Variants in AAK1 observed in about 807,000 individuals in gnomAD.
AAK1 encodes the protein AP2-associated protein kinase 1.
A neutral mutation model predicts 116.0 loss-of-function variants in AAK1; 37 were observed. The ratio of observed to expected loss-of-function variants is 0.32; its 90% CI spans 0.25 to 0.42. The LOEUF (loss-of-function observed/expected upper bound fraction) is 0.42, where lower values mean the gene tolerates loss of function less well. Ranked by LOEUF, AAK1 falls within the 10% of genes least tolerant of loss-of-function variation. AAK1 has a pLI of 1.00. For synonymous variants in AAK1, 458 were observed against 439.9 expected (o/e 1.04, Z -0.51); for missense variants, 919 against 1,170.6 (o/e 0.79, Z 3.14).
intron 19 of AAK1, among the ~76,000 whole-genome samples, chr2:69,480,144 T>C (rs1406656767): frequency 6.6e-6 from 1 of 152,038 alleles, no homozygotes; most frequent in Non-Finnish European, 1.5e-5. Flanking sequence ...TAAATCATAA[T>C]GTCTTTGGAG....
intron 16 of AAK1, among the ~76,000 whole-genome samples, chr2:69,500,778 G>C (rs952401554): frequency 1.7e-4 from 25 of 145,888 alleles, no homozygotes; most frequent in Non-Finnish European, 2.7e-4. Flanking sequence ...TGGAAAGGCA[G>C]AAACAAAAAC....
In AAK1 at chr2:69,466,513, C is replaced by T; in HGVS notation, c.*9356G>A. The T allele has an allele frequency of 1.6e-6, 2 of 1,226,810 alleles. No individual in the cohort carries two copies. The highest frequency in any genetic ancestry group is 2.1e-6 in the Non-Finnish European group (2 of 956,220). The allele number at this position is 1,226,810 out of a possible 1,614,324, so 76.0% of individuals were successfully genotyped here. On this transcript the variant is annotated 3_prime_UTR_variant, in exon 22 of 22. Transcript: ENST00000409085. ...CCCAGTGATTCTTTAAAGTGCTCTACAGTTATTACAGGACAGGGATTGGAC... is the reference window on the plus strand; with the variant it reads ...CCCAGTGATTCTTTAAAGTGCTCTATAGTTATTACAGGACAGGGATTGGAC...
At chr2:69,584,362 A>C (rs1417627975) in intron 2 of AAK1, among the ~76,000 whole-genome samples, 1 of 152,328 alleles carries the variant, frequency 6.6e-6, no homozygotes, top group East Asian at 1.9e-4. Context: ...CACTGTGGTT[A>C]CTTTAATTAT....
intron 16 of AAK1, chr2:69,500,170 A>G (rs556208269): frequency 1.3e-5 from 2 of 152,220 alleles, no homozygotes; most frequent in Non-Finnish European, 2.9e-5. Flanking sequence ...GTCTGAGTTC[A>G]GTTAGAAAAT....
chr2:69,532,807 T>C (rs138939645), intron 5 of AAK1, among the ~76,000 whole-genome samples: 3 of 152,330 alleles, frequency 2.0e-5, no homozygotes, highest in African/African-American at 7.2e-5. Flanking sequence ...AATGGGCAGT[T>C]TTCCTGTTAA....
intron 2 of AAK1, among the ~76,000 whole-genome samples, chr2:69,587,016 T>G (rs895143743): frequency 3.3e-5 from 5 of 152,146 alleles, no homozygotes; most frequent in African/African-American, 1.2e-4. Flanking sequence ...CCATATCTTC[T>G]GCCTTTCTGC....
At chr2:69,553,143 A>AG (rs1671245975) in intron 3 of AAK1, among the ~76,000 whole-genome samples, 1 of 152,202 alleles carries the variant, frequency 6.6e-6, no homozygotes, top group Non-Finnish European at 1.5e-5. Context: ...CTAGATTGAA[A>AG]GGGACCACAA....
intron 3 of AAK1, among the ~76,000 whole-genome samples, chr2:69,547,731 G>C (rs1670989476): frequency 1.3e-5 from 2 of 152,094 alleles, no homozygotes; most frequent in African/African-American, 2.4e-5. Flanking sequence ...ATATGACCTA[G>C]CAATTTCACC....
rs145864456 is a variant in AAK1 at position 69,606,344 on chromosome 2, C to T, written c.163+36534G>A. 2.2e-3 allele frequency among the ~76,000 whole-genome samples: 334 copies of T among 152,234 alleles called. 2 individuals carry two copies. In the Middle Eastern group the frequency reaches 0.037, roughly 17 times the overall value. On this transcript the variant is annotated intron_variant, in intron 2 of 21. Coordinates refer to ENST00000409085, the MANE Select transcript of AAK1 (RefSeq NM_014911.5). ...TTCACAAGACCTCAGCAGTTTGATC[C>T]CACAGACTTTCACAAATCCTTCTCT...
chr2:69,559,628 C>T (rs1671546679), intron 2 of AAK1, among the ~76,000 whole-genome samples: 1 of 152,172 alleles, frequency 6.6e-6, no homozygotes, highest in African/African-American at 2.4e-5. Flanking sequence ...AGTATTAAGT[C>T]CAAGTGTTTT....
intron 5 of AAK1, among the ~76,000 whole-genome samples, chr2:69,540,114 C>T (rs1459757640): frequency 6.8e-6 from 1 of 147,970 alleles, no homozygotes; most frequent in Non-Finnish European, 1.5e-5. Context: ...TTCCCTGCCC[C>T]ACTTGCCTTT....
Position 69,458,229 on chromosome 2 carries a change from T to G in AAK1, c.*17640A>C, listed in dbSNP as rs535336005. 1 of 152,366 alleles carries G rather than the reference T, an allele frequency of 6.6e-6. No individual in the cohort carries two copies. The highest frequency in any genetic ancestry group is 2.1e-4 in the South Asian group (1 of 4,830). The allele number at this position is 152,366 out of a possible 1,614,324, so 9.4% of individuals were successfully genotyped here. ...GTGTACATTGTTTTCTGAGGCCTGA[T>G]GACCTCAATACTCCTTCTGGCTGGA... On this transcript the variant is annotated 3_prime_UTR_variant, in exon 22 of 22. Coordinates refer to ENST00000409085, the MANE Select transcript of AAK1 (RefSeq NM_014911.5).
Position 69,473,970 on chromosome 2 carries a change from G to A in AAK1, c.*1899C>T. On this transcript the variant is annotated 3_prime_UTR_variant, in exon 22 of 22. Transcript: ENST00000409085. ...TTTTAATCCTCGGCAGGAAGCTTGT[G>A]CCTCTCTCAGTTTTGGAAATGGTCT... is the stretch of plus-strand genomic sequence containing the variant. 3.0e-6 allele frequency: 3 copies of A among 985,730 alleles called. No individual in the cohort carries two copies. Among genetic ancestry groups the A allele is most frequent in the Non-Finnish European group, 3.6e-6 (3 of 829,912 alleles). 61.1% of individuals were successfully genotyped at this position (985,730 alleles called of 1,614,324 possible).
chr2:69,624,438 C>T (rs1170743651), intron 2 of AAK1, among the ~76,000 whole-genome samples: 1 of 152,118 alleles, frequency 6.6e-6, no homozygotes, highest in Non-Finnish European at 1.5e-5. Flanking sequence ...AGTGAGAAAG[C>T]AGATTACAGG....
In AAK1 at chr2:69,505,574, C is replaced by A. The variant is rs1480192886; in HGVS notation, c.2264G>T (p.Gly755Val). 6.2e-7 allele frequency: 1 copy of A among 1,613,398 alleles called. No individual in the cohort carries two copies. The highest frequency in any genetic ancestry group is 1.1e-5 in the South Asian group (1 of 91,046). The part of the protein sequence containing the change: ...DAFATTSFSA[G>V]TAEKRKGGQT... Reference sequence around the variant, plus strand: ...CAGGTATTTGCCATACTAACCAGTTCCAGCAGAAAATGAGGTCGTAGCAAA... The same window carrying A: ...CAGGTATTTGCCATACTAACCAGTTACAGCAGAAAATGAGGTCGTAGCAAA... Residue 755 changes from glycine to valine, a missense_variant, in exon 16 of 22, where the codon GGA (glycine) becomes GTA (valine). By Grantham distance (109) the Gly-to-Val change is moderately radical (BLOSUM62 -3). Transcript: ENST00000409085.
chr2:69,594,771 C>G lies in AAK1; in HGVS notation c.164-37793G>C, dbSNP rs907105998. ...ACTGGATCACTTAGCCCTTTCTCTT[C>G]TTACCTCCTCCCAGTTCAGAATGCT... On this transcript the variant is annotated intron_variant, in intron 2 of 21. Coordinates refer to ENST00000409085, the MANE Select transcript of AAK1 (RefSeq NM_014911.5). 20 of 1,002,568 alleles carry G rather than the reference C, an allele frequency of 2.0e-5. No homozygotes were observed. In the African/African-American group the frequency reaches 3.0e-4, roughly 15 times the overall value. 62.1% of individuals were successfully genotyped at this position (1,002,568 alleles called of 1,614,324 possible).
chr2:69,496,755 T>C (rs1675761477), intron 16 of AAK1, among the ~76,000 whole-genome samples: 2 of 152,164 alleles, frequency 1.3e-5, no homozygotes, highest in Admixed American at 1.3e-4. Context: ...TTTTGTAATC[T>C]AGCATGTGTA....
intron 2 of AAK1, among the ~76,000 whole-genome samples, chr2:69,575,108 T>C (rs1013086674): frequency 6.6e-6 from 1 of 151,954 alleles, no homozygotes; most frequent in Admixed American, 6.6e-5. Context: ...TTGTGGATGA[T>C]GATCTATGTT....
intron 13 of AAK1, among the ~76,000 whole-genome samples, chr2:69,514,162 C>T (rs1005458736): frequency 5.3e-5 from 8 of 152,178 alleles, no homozygotes; most frequent in Admixed American, 3.9e-4. Flanking sequence ...CTGCCTAGGT[C>T]CTTGACTGTT....
Sources: allele counts gnomAD v4.1 joint callset (sites outside exome capture counted in the v4.1 genomes callset), GRCh38; gene constraint gnomAD v4.1.1; transcripts MANE v1.5; gene names NCBI Gene and HGNC (gene_info 2026-07-23, HGNC 2026-07-21).